KCND3: variants seen among roughly 807,000 people sequenced by gnomAD.
The protein encoded by KCND3 is potassium voltage-gated channel subfamily D member 3.
In KCND3, 9 loss-of-function variants were observed where a neutral mutation model predicts 51.1. That is an observed-to-expected ratio of 0.18 (90% confidence interval 0.11 to 0.31). The LOEUF is 0.31. Among genes scored for constraint, KCND3 ranks in the 10% least tolerant of loss-of-function variants. The probability of loss-of-function intolerance (pLI) is 1.00; values close to 1 mark genes in which losing one functional copy is unlikely to be tolerated. For synonymous variants in KCND3, 349 were observed against 368.0 expected, an observed-to-expected ratio of 0.95 and a Z score of 0.59; for missense variants, 526 against 903.8, an observed-to-expected ratio of 0.58 and a Z score of 5.36.
At position 111,778,556 on chromosome 1, in the gene KCND3, G is replaced by A; in HGVS notation, c.1462-64C>T. The A allele has an allele frequency of 2.0e-6, 3 of 1,501,820 alleles. No individual in the cohort carries two copies. In the East Asian group the frequency reaches 6.8e-5, roughly 34 times the overall value. The allele number at this position is 1,501,820 out of a possible 1,614,324, so 93.0% of individuals were successfully genotyped here. On this transcript the variant is annotated intron_variant, in intron 5 of 7. Coordinates refer to ENST00000302127, the MANE Select transcript of KCND3 (RefSeq NM_001378969.1). ...TGATTGTACATTCCAGCATTCCCAA[G>A]CCAGTTTTGACATTCAATCTCTTGA...
chr1:111,800,552 TAAAAAAAAAA>T (rs71580591), intron 2 of KCND3, among the ~76,000 whole-genome samples: 3 of 126,286 alleles, frequency 2.4e-5, no homozygotes, highest in Non-Finnish European at 5.4e-5. Flanking sequence ...AAAATAAATT[TAAAAAAAAAA>T]AAAAAAAAGA....
chr1:111,855,027 G>A (rs906246255), intron 2 of KCND3, among the ~76,000 whole-genome samples: 1 of 152,174 alleles, frequency 6.6e-6, no homozygotes, highest in African/African-American at 2.4e-5. Flanking sequence ...CAGTCCTGCC[G>A]CTTAAGGGCT....
chr1:111,813,049 C>A (rs897787049), intron 2 of KCND3, among the ~76,000 whole-genome samples: 8 of 152,304 alleles, frequency 5.3e-5, no homozygotes, highest in African/African-American at 1.9e-4. Flanking sequence ...TAACCACAGG[C>A]TCCTGGGAAT....
intron 2 of KCND3, among the ~76,000 whole-genome samples, chr1:111,814,245 A>AAAGG (rs5777081): frequency 0.59 from 90,020 of 151,812 alleles, 27,241 homozygotes; most frequent in East Asian, 0.78. Context: ...TTATCCTAGG[A>AAAGG]GCAGGCTCGT....
intron 2 of KCND3, among the ~76,000 whole-genome samples, chr1:111,944,276 C>T (rs892751542): frequency 9.9e-5 from 15 of 152,156 alleles, no homozygotes; most frequent in East Asian, 3.9e-4. Flanking sequence ...ACAAGAAGCC[C>T]GCTCAGAGCT....
intron 2 of KCND3, among the ~76,000 whole-genome samples, chr1:111,876,696 GA>G (rs1227157392): frequency 6.6e-6 from 1 of 152,220 alleles, no homozygotes; most frequent in Non-Finnish European, 1.5e-5. Context: ...GGTAGGCAAA[GA>G]GACAGATTTT....
intron 2 of KCND3, among the ~76,000 whole-genome samples, chr1:111,819,692 A>C (rs1256519761): frequency 1.1e-4 from 16 of 152,130 alleles, no homozygotes; most frequent in Admixed American, 1.0e-3. Flanking sequence ...GCCCTGTGAA[A>C]GCAGCTCACA....
At chr1:111,839,097 C>T (rs922014107) in intron 2 of KCND3, among the ~76,000 whole-genome samples, 10 of 152,332 alleles carry the variant, frequency 6.6e-5, no homozygotes, top group Non-Finnish European at 1.3e-4. Flanking sequence ...AGAGTTTCAT[C>T]GGTTTGACAT....
intron 2 of KCND3, among the ~76,000 whole-genome samples, chr1:111,930,958 G>A (rs987341103): frequency 6.6e-6 from 1 of 152,216 alleles, no homozygotes; most frequent in African/African-American, 2.4e-5. Flanking sequence ...CTGGGGAGAG[G>A]TGGGTTCTTT....
intron 2 of KCND3, among the ~76,000 whole-genome samples, chr1:111,872,288 A>G (rs1436270020): frequency 6.6e-6 from 1 of 152,216 alleles, no homozygotes; most frequent in Non-Finnish European, 1.5e-5. Flanking sequence ...AAGCAGAAGC[A>G]CCACAGAAAA....
In KCND3 at chr1:111,847,386, C is replaced by T. The variant is rs183893754; in HGVS notation, c.1107-60280G>A. On this transcript the variant is annotated intron_variant, in intron 2 of 7. Transcript: ENST00000302127. ...TGTGTGTTTTGCTGCAACGTGGGCT[C>T]GCCTATGCCTCTTATCCAAGATAAA... 2.3e-3 allele frequency among the ~76,000 whole-genome samples: 343 copies of T among 152,178 alleles called. 2 individuals carry two copies. The highest frequency in any genetic ancestry group is 1.5e-3 in the Non-Finnish European group (103 of 68,002).
intron 2 of KCND3, among the ~76,000 whole-genome samples, chr1:111,829,368 T>TG (rs1666728720): frequency 1.3e-5 from 2 of 152,076 alleles, no homozygotes; most frequent in African/African-American, 4.8e-5. Context: ...AGCAGCAGTT[T>TG]GGGGGTGTGG....
In KCND3 at chr1:111,886,364, TACAAAGAACAGTGACCTAGA is replaced by T. The variant is rs1033464644; in HGVS notation, c.1106+95237_1106+95256del. On this transcript the variant is annotated intron_variant, in intron 2 of 7. Coordinates refer to ENST00000302127, the MANE Select transcript of KCND3 (RefSeq NM_001378969.1). ...TTTTGGAAAGGCATTGACAAGTGTG[TACAAAGAACAGTGACCTAGA>T]TGGCAAAGGCCTGGAAACCATGAAA... Among the ~76,000 whole-genome samples, 12 of 152,182 alleles carry T rather than the reference TACAAAGAACAGTGACCTAGA, an allele frequency of 7.9e-5. 1 individual carries two copies. The highest frequency in any genetic ancestry group is 2.9e-4 in the African/African-American group (12 of 41,428).
chr1:111,817,381 T>G (rs1414745121), intron 2 of KCND3, among the ~76,000 whole-genome samples: 1 of 152,208 alleles, frequency 6.6e-6, no homozygotes, highest in African/African-American at 2.4e-5. Context: ...GGTTTAAAAA[T>G]GTCCAAGACC....
intron 2 of KCND3, among the ~76,000 whole-genome samples, chr1:111,850,149 C>T (rs1260020351): frequency 1.3e-5 from 2 of 152,204 alleles, no homozygotes; most frequent in Admixed American, 6.5e-5. Context: ...ATCTGATTCT[C>T]CTCTAACCAA....
At chr1:111,944,839 C>T (rs1672701478) in intron 2 of KCND3, among the ~76,000 whole-genome samples, 1 of 152,210 alleles carries the variant, frequency 6.6e-6, no homozygotes, top group Non-Finnish European at 1.5e-5. Context: ...ATTACCATTA[C>T]CGGAGGCCCA....
intron 2 of KCND3, among the ~76,000 whole-genome samples, chr1:111,870,147 G>A (rs960983112): frequency 1.3e-4 from 20 of 152,258 alleles, no homozygotes; most frequent in African/African-American, 4.8e-4. Flanking sequence ...CTATTTTAAA[G>A]ATGAAAAAAC....
intron 2 of KCND3, among the ~76,000 whole-genome samples, chr1:111,887,116 G>C (rs1669604883): frequency 6.6e-6 from 1 of 152,188 alleles, no homozygotes; most frequent in African/African-American, 2.4e-5. Flanking sequence ...GTTTTTGGTG[G>C]AGGTGGTGGT....
chr1:111,856,035 G>A (rs575270341), intron 2 of KCND3, among the ~76,000 whole-genome samples: 17 of 152,308 alleles, frequency 1.1e-4, no homozygotes, highest in Non-Finnish European at 2.5e-4. Context: ...GCTCTTGCCA[G>A]GACCCCCACT....
Sources: allele counts gnomAD v4.1 joint callset (sites outside exome capture counted in the v4.1 genomes callset), GRCh38; gene constraint gnomAD v4.1.1; transcripts MANE v1.5; gene names NCBI Gene and HGNC (gene_info 2026-07-23, HGNC 2026-07-21).